Variants in NLGN1 observed in about 807,000 individuals in gnomAD.
The protein encoded by NLGN1 is neuroligin-1.
In NLGN1, 12 loss-of-function variants were observed where a neutral mutation model predicts 65.5. The ratio of observed to expected loss-of-function variants is 0.18; its 90% confidence interval spans 0.12 to 0.30. NLGN1 has a LOEUF of 0.30. Among genes scored for constraint, NLGN1 ranks in the 10% least tolerant of loss-of-function variants. The pLI, the probability that NLGN1 is intolerant of heterozygous loss-of-function variation, is 1.00. For missense variants in NLGN1, 750 were observed against 1,007.1 expected, an observed-to-expected ratio of 0.74 and a Z score of 3.46; for synonymous variants, 350 against 359.5, an observed-to-expected ratio of 0.97 and a Z score of 0.30.
At chr3:173,791,565 T>C (rs1263480946) in intron 3 of NLGN1, among the ~76,000 whole-genome samples, 1 of 151,964 alleles carries the variant, frequency 6.6e-6, no homozygotes, top group African/African-American at 2.4e-5. Flanking sequence ...ATATTTTTCT[T>C]TATTTTAATT....
chr3:173,515,863 A>G (rs1307589442), intron 2 of NLGN1, among the ~76,000 whole-genome samples: 1 of 152,116 alleles, frequency 6.6e-6, no homozygotes, highest in Middle Eastern at 3.4e-3. Flanking sequence ...CCATATATGC[A>G]TGGGTTTATT....
rs544556980 is a variant in NLGN1, at chr3:174,002,248, C to T, written c.646+194416C>T. 1.1e-3 allele frequency among the ~76,000 whole-genome samples: 173 copies of T among 152,160 alleles called. 1 individual carries two copies. The highest frequency in any genetic ancestry group is 2.0e-3 in the Non-Finnish European group (137 of 67,992). On this transcript the variant is annotated intron_variant, in intron 4 of 6. Transcript: ENST00000457714. The stretch of plus-strand genomic sequence containing the variant: ...GTTCAAGTGATTCTCCTGCCTCAGC[C>T]GCCTGAGTAGTTGGGATTACAGTTG...
At position 173,880,489 on chromosome 3, in the gene NLGN1, A is replaced by T. The variant is rs182012960; in HGVS notation, c.646+72657A>T. On this transcript the variant is annotated intron_variant, in intron 4 of 6. Coordinates refer to ENST00000457714, the Ensembl canonical transcript of NLGN1. ...TATTGCAATCAAGTGATTCACACAA[A>T]TTTTTTTTTTATTTTCTAGTGCTTT... Among the ~76,000 whole-genome samples the T allele has an allele frequency of 3.7e-3, 551 of 149,880 alleles. 2 individuals carry two copies. Among genetic ancestry groups the T allele is most frequent in the African/African-American group, 0.012 (509 of 41,064 alleles).
chr3:173,720,280 G>T (rs1399785197), intron 3 of NLGN1, among the ~76,000 whole-genome samples: 7 of 152,098 alleles, frequency 4.6e-5, no homozygotes, highest in African/African-American at 1.7e-4. Context: ...GGCGGGGGGT[G>T]CCGGCGGGGT....
intron 3 of NLGN1, among the ~76,000 whole-genome samples, chr3:173,627,886 GA>G (rs1419581905): frequency 6.6e-6 from 1 of 150,564 alleles, no homozygotes. Context: ...AGCTATTCCT[GA>G]AAATCTGTGT....
intron 3 of NLGN1, among the ~76,000 whole-genome samples, chr3:173,621,641 A>T (rs1754007762): frequency 6.6e-6 from 1 of 152,082 alleles, no homozygotes; most frequent in Non-Finnish European, 1.5e-5. Flanking sequence ...TTATATGAAA[A>T]GTGACTGGCA....
intron 4 of NLGN1, among the ~76,000 whole-genome samples, chr3:173,931,682 T>A (rs1744113929): frequency 6.6e-6 from 1 of 152,124 alleles, no homozygotes; most frequent in South Asian, 2.1e-4. Flanking sequence ...CATTGAAGAA[T>A]TTTACCTTGC....
At chr3:173,994,297 C>T (rs1480322293) in intron 4 of NLGN1, among the ~76,000 whole-genome samples, 1 of 151,548 alleles carries the variant, frequency 6.6e-6, no homozygotes, top group Non-Finnish European at 1.5e-5. Context: ...GGGGGTTTTG[C>T]CATGTTGCCC....
chr3:173,973,664 C>G (rs896402261), intron 4 of NLGN1, among the ~76,000 whole-genome samples: 1 of 151,646 alleles, frequency 6.6e-6, no homozygotes, highest in African/African-American at 2.4e-5. Context: ...AATTTGGTTT[C>G]CAGTGCATTT....
At chr3:173,870,614 T>C (rs1014934616) in intron 4 of NLGN1, among the ~76,000 whole-genome samples, 1 of 152,192 alleles carries the variant, frequency 6.6e-6, no homozygotes, top group African/African-American at 2.4e-5. Context: ...ATCAATAGAA[T>C]GGTTAAAAAG....
At chr3:173,834,381 C>T (rs1723188157) in intron 4 of NLGN1, among the ~76,000 whole-genome samples, 1 of 151,938 alleles carries the variant, frequency 6.6e-6, no homozygotes, top group Admixed American at 6.6e-5. Flanking sequence ...ATTTTAAAAT[C>T]AGCTCCTCTA....
At chr3:173,881,941 T>G (rs761455458) in intron 4 of NLGN1, among the ~76,000 whole-genome samples, 1 of 152,202 alleles carries the variant, frequency 6.6e-6, no homozygotes, top group Non-Finnish European at 1.5e-5. Context: ...AATCACTCTC[T>G]ATGACATCTA....
intron 4 of NLGN1, among the ~76,000 whole-genome samples, chr3:174,220,608 G>T (rs1738456662): frequency 6.6e-6 from 1 of 152,134 alleles, no homozygotes; most frequent in Non-Finnish European, 1.5e-5. Flanking sequence ...TACACTTGAT[G>T]TGTGCATATG....
At chr3:173,447,994 A>G (rs1432538419) in intron 2 of NLGN1, among the ~76,000 whole-genome samples, 2 of 152,210 alleles carry the variant, frequency 1.3e-5, no homozygotes, top group South Asian at 2.1e-4. Context: ...ATATACAATC[A>G]TGTCATCTGC....
chr3:173,502,977 T>C (rs1731402863), intron 2 of NLGN1, among the ~76,000 whole-genome samples: 1 of 152,094 alleles, frequency 6.6e-6, no homozygotes. Flanking sequence ...TTATGAATTA[T>C]ATATGTAATT....
chr3:174,149,082 T>C (rs1723862050), intron 4 of NLGN1, among the ~76,000 whole-genome samples: 2 of 152,170 alleles, frequency 1.3e-5, no homozygotes, highest in Admixed American at 1.3e-4. Flanking sequence ...AGGAAGTTCT[T>C]AGTGGGTAGA....
rs1225441357 is a variant in NLGN1, at chr3:173,495,800, C to T, written c.-321+60722C>T. On this transcript the variant is annotated intron_variant, in intron 2 of 6. Coordinates refer to ENST00000457714, the Ensembl canonical transcript of NLGN1. ...AACATCTCCACAAATTTCTCTTGTA[C>T]CCCATACCAGTAAATCTTCACCCTA... 2.0e-5 allele frequency among the ~76,000 whole-genome samples: 3 copies of T among 151,262 alleles called. No homozygotes were observed. The East Asian group carries it at 5.8e-4, about 29-fold the overall frequency.
At chr3:174,224,856 GC>G (rs1000336485) in intron 4 of NLGN1, among the ~76,000 whole-genome samples, 1 of 152,086 alleles carries the variant, frequency 6.6e-6, no homozygotes, top group African/African-American at 2.4e-5. Flanking sequence ...CAATAAACAA[GC>G]TTTGCATAAT....
At position 173,524,043 on chromosome 3, in the gene NLGN1, C is replaced by A. The variant is rs550270328; in HGVS notation, c.-320-80236C>A. Among the ~76,000 whole-genome samples, 9 of 150,080 alleles carry A rather than the reference C, an allele frequency of 6.0e-5. 1 individual carries two copies. Among genetic ancestry groups the A allele is most frequent in the Non-Finnish European group, 1.2e-4 (8 of 67,274 alleles). ...TCATGCCATTCTCCTGCCTTAGCCT[C>A]CCGAGTAGCTGGGACTACAGGCACC... On this transcript the variant is annotated intron_variant, in intron 2 of 6. Coordinates refer to ENST00000457714, the Ensembl canonical transcript of NLGN1.
Sources: gnomAD v4.1 joint callset for allele counts (sites outside exome capture counted in the v4.1 genomes callset) on GRCh38, gnomAD v4.1.1 for gene constraint, MANE v1.5 for transcripts, NCBI Gene and HGNC (gene_info 2026-07-23, HGNC 2026-07-21) for gene names.